Variants in PLCE1 observed in about 807,000 individuals in gnomAD.
The protein encoded by PLCE1 is phospholipase C epsilon 1, also known as 1-phosphatidylinositol 4,5-bisphosphate phosphodiesterase epsilon-1.
Under a neutral mutation model 242.8 loss-of-function variants are expected in PLCE1, and 119 were observed. The ratio of observed to expected loss-of-function variants is 0.49; its 90% CI spans 0.42 to 0.57. The LOEUF (loss-of-function observed/expected upper bound fraction) is 0.57. Ranked by LOEUF, PLCE1 falls within the 20% of genes least tolerant of loss-of-function variation. The probability of loss-of-function intolerance (pLI) is 0.00; values close to 1 mark genes in which losing one functional copy is unlikely to be tolerated. For synonymous variants in PLCE1, 945 were observed against 1,017.4 expected, an observed-to-expected ratio of 0.93 and a Z score of 1.35; for missense variants, 2,441 against 2,788.8, an observed-to-expected ratio of 0.88 and a Z score of 2.81.
intron 2 of PLCE1, among the ~76,000 whole-genome samples, chr10:94,086,140 G>A (rs1007683564): frequency 6.6e-6 from 1 of 152,166 alleles, no homozygotes; most frequent in South Asian, 2.1e-4. Context: ...GTGTGGTTAA[G>A]TGCTGTGCTG....
chr10:94,027,993 A>G (rs555243076), intron 1 of PLCE1, among the ~76,000 whole-genome samples: 31 of 152,318 alleles, frequency 2.0e-4, no homozygotes, highest in African/African-American at 7.5e-4. Context: ...GAGATTCTGT[A>G]GTCAGTCTTC....
chr10:94,144,311 G>C (rs887212942), intron 3 of PLCE1, among the ~76,000 whole-genome samples: 7 of 152,124 alleles, frequency 4.6e-5, no homozygotes, highest in Middle Eastern at 3.2e-3. Flanking sequence ...GTGTGTGTGT[G>C]TCTCTGTGTG....
intron 16 of PLCE1, among the ~76,000 whole-genome samples, chr10:94,267,034 A>G (rs1167887584): frequency 2.6e-5 from 4 of 152,194 alleles, no homozygotes; most frequent in Non-Finnish European, 4.4e-5. Context: ...TCTACACACT[A>G]CATACTGGCC....
intron 2 of PLCE1, among the ~76,000 whole-genome samples, chr10:94,110,231 T>G (rs901580926): frequency 4.0e-5 from 6 of 151,412 alleles, no homozygotes; most frequent in Non-Finnish European, 7.4e-5. Flanking sequence ...CCCAGCTAAT[T>G]TTTTGTATTT....
intron 28 of PLCE1, 76 bp from the exon 29 acceptor site, chr10:94,316,471 C>G: frequency 2.2e-6 from 2 of 902,762 alleles, no homozygotes; most frequent in African/African-American, 1.6e-5. Flanking sequence ...CATAGCAAAC[C>G]TATCTGAACA....
intron 14 of PLCE1, among the ~76,000 whole-genome samples, chr10:94,263,423 A>G (rs2051383573): frequency 6.6e-6 from 1 of 151,712 alleles, no homozygotes. Flanking sequence ...GTGGAGCAGG[A>G]GAATCACTGG....
chr10:94,092,066 C>T lies in PLCE1; in HGVS notation c.1207-40108C>T, dbSNP rs186414145. 5.9e-5 allele frequency among the ~76,000 whole-genome samples: 9 copies of T among 152,182 alleles called. No homozygotes were observed. In the South Asian group the frequency reaches 6.2e-4, roughly 11 times the overall value. The stretch of plus-strand genomic sequence containing the variant: ...ATAACCCTAAGAAATGTAAGATTAA[C>T]GGTCTGATGCAAGGAACGGAAAACC... On this transcript the variant is annotated intron_variant, in intron 2 of 32. Coordinates refer to ENST00000371380, the MANE Select transcript of PLCE1 (RefSeq NM_016341.4).
chr10:94,307,817 A>G (rs2053253155), intron 26 of PLCE1, among the ~76,000 whole-genome samples: 1 of 152,240 alleles, frequency 6.6e-6, no homozygotes, highest in Admixed American at 6.5e-5. Context: ...ACTGAGGGTT[A>G]GGACTTCTAC....
intron 3 of PLCE1, chr10:94,139,003 C>G (rs1434080374): frequency 6.5e-6 from 1 of 153,624 alleles, no homozygotes; most frequent in African/African-American, 2.4e-5. Flanking sequence ...GCCTGTGAGG[C>G]CGGGCATCGT....
intron 3 of PLCE1, among the ~76,000 whole-genome samples, chr10:94,141,063 C>A (rs963038818): frequency 1.6e-4 from 25 of 152,142 alleles, no homozygotes; most frequent in African/African-American, 6.0e-4. Context: ...CTGAAGGAGC[C>A]CTTACCACCT....
intron 2 of PLCE1, among the ~76,000 whole-genome samples, chr10:94,113,746 TG>T (rs1401883493): frequency 6.6e-6 from 1 of 152,058 alleles, no homozygotes; most frequent in African/African-American, 2.4e-5. Context: ...GATGCGGGAA[TG>T]GGAGTGGCAG....
intron 2 of PLCE1, among the ~76,000 whole-genome samples, chr10:94,077,220 G>A (rs1343991039): frequency 1.3e-5 from 2 of 152,228 alleles, no homozygotes; most frequent in South Asian, 2.1e-4. Context: ...ACTTGGCAAT[G>A]TCTGGAGACA....
chr10:94,252,187 G>A (rs2050903516), intron 8 of PLCE1, 129 bp from the exon 9 acceptor site: 1 of 773,010 alleles, frequency 1.3e-6, no homozygotes, highest in Non-Finnish European at 2.2e-6. Flanking sequence ...CACTTGGGTG[G>A]CCAGATCATT....
chr10:94,260,137 G>T (rs2051246260), intron 13 of PLCE1, among the ~76,000 whole-genome samples: 1 of 152,142 alleles, frequency 6.6e-6, no homozygotes, highest in Non-Finnish European at 1.5e-5. Flanking sequence ...TATGTGGTGT[G>T]TGTCACAGTG....
In PLCE1 at chr10:94,246,500, AGC is replaced by A. The variant is rs2050686785; in HGVS notation, c.2976_2977del (p.Thr994SerfsTer2). On this transcript the variant is annotated frameshift_variant, in exon 8 of 33. Coordinates refer to ENST00000371380, the MANE Select transcript of PLCE1 (RefSeq NM_016341.4). LOFTEE classifies it high-confidence loss of function. ...AGATTATTGCACTTCGTGGCACCAA[AGC>A]ACACAGCTAAAATGCTCTTCAGCGG... 1.2e-6 allele frequency: 2 copies of A among 1,614,088 alleles called. No individual in the cohort carries two copies. Among genetic ancestry groups the A allele is most frequent in the Admixed American group, 3.3e-5 (2 of 60,010 alleles).
chr10:94,244,093 A>AAAG (rs1298225692), intron 7 of PLCE1, among the ~76,000 whole-genome samples: 1 of 152,204 alleles, frequency 6.6e-6, no homozygotes, highest in Non-Finnish European at 1.5e-5. Context: ...GAGACACTAA[A>AAAG]ATTCAATATT....
In PLCE1 at chr10:94,252,336, C is replaced by A; in HGVS notation, c.3117C>A (p.Gly1039=). 1 of 1,614,116 alleles carries A rather than the reference C, an allele frequency of 6.2e-7. No homozygotes were observed. The highest frequency in any genetic ancestry group is 1.1e-5 in the South Asian group (1 of 91,078). Reference sequence around the variant, plus strand: ...CACAGGAGGATGGACGGTATGAAGGCCCAACTTTGGCTCACGCTGTGGAGT... The same window carrying A: ...CACAGGAGGATGGACGGTATGAAGGACCAACTTTGGCTCACGCTGTGGAGT... ...SLYQEDGRYE[G]PTLAHAVELF... The change falls in exon 9 of 33, where the codon GGC becomes GGA. Residue 1039 remains glycine, a synonymous_variant. Transcript: ENST00000371380.
At chr10:94,148,174 T>C (rs1188250038) in intron 3 of PLCE1, among the ~76,000 whole-genome samples, 3 of 152,006 alleles carry the variant, frequency 2.0e-5, no homozygotes, top group African/African-American at 7.3e-5. Flanking sequence ...AAAAAGTAAA[T>C]TAATGAATAT....
At chr10:94,110,104 C>T (rs1377096997) in intron 2 of PLCE1, among the ~76,000 whole-genome samples, 1 of 111,216 alleles carries the variant, frequency 9.0e-6, no homozygotes, top group Admixed American at 1.5e-4. Context: ...GCTCTGTCAC[C>T]CAGGCTGGAG....
Sources: allele counts gnomAD v4.1 joint callset (sites outside exome capture counted in the v4.1 genomes callset), GRCh38; gene constraint gnomAD v4.1.1; transcripts MANE v1.5; gene names NCBI Gene and HGNC (gene_info 2026-07-23, HGNC 2026-07-21).